The following CACNA2D2 variants were observed in gnomAD, a reference collection of about 807,000 sequenced individuals.
CACNA2D2 encodes voltage-dependent calcium channel subunit alpha-2/delta-2.
A neutral mutation model predicts 166.4 loss-of-function variants in CACNA2D2; 48 were observed. That is an observed-to-expected ratio of 0.29 (90% CI 0.23 to 0.37). CACNA2D2 has a LOEUF of 0.37. CACNA2D2 is among the 10% of genes least tolerant of loss of function. The pLI, the probability that CACNA2D2 is intolerant of heterozygous loss-of-function variation, is 1.00. For missense variants in CACNA2D2, 1,122 were observed against 1,433.0 expected (o/e 0.78, Z 3.50); for synonymous variants, 561 against 573.7 (o/e 0.98, Z 0.32).
intron 17 of CACNA2D2, among the ~76,000 whole-genome samples, chr3:50,377,245 G>C (rs587712532): frequency 1.3e-5 from 2 of 152,272 alleles, no homozygotes; most frequent in South Asian, 4.1e-4. Flanking sequence ...TGGGTATGTA[G>C]GTCTGCAAAG....
Position 50,476,161 on chromosome 3 carries a change from T to C in CACNA2D2, c.245A>G (p.Asp82Gly). 1 of 1,602,166 alleles carries C rather than the reference T, an allele frequency of 6.2e-7. No individual in the cohort carries two copies. The highest frequency in any genetic ancestry group is 8.5e-7 in the Non-Finnish European group (1 of 1,175,068). ...GCCTCCAAAAATCCGCATCACGCCG[T>C]CGACCTCCTGCTCCAGACGCCGGGC... ...HWARRLEQEV[D>G]GVMRIFGGVQ... Residue 82 changes from aspartate to glycine, a missense_variant, in exon 2 of 38, where the codon GAC (aspartate) becomes GGC (glycine). By Grantham distance (94) the Asp-to-Gly change is moderately conservative (BLOSUM62 -1). Around this residue, in one of 2 missense-constraint regions of CACNA2D2, gnomAD observed 840 missense variants for 1,166.8 expected, o/e 0.72. Coordinates refer to ENST00000424201, the MANE Select transcript of CACNA2D2 (RefSeq NM_006030.4).
chr3:50,503,196 G>A, intron 1 of CACNA2D2, 22 bp downstream of exon 1: 2 of 1,178,992 alleles, frequency 1.7e-6, no homozygotes, highest in Non-Finnish European at 2.1e-6. Context: ...CCGGGGTCTC[G>A]CGGCCGGCCG....
chr3:50,404,486 G>T (rs1575636215), intron 3 of CACNA2D2, among the ~76,000 whole-genome samples: 1 of 152,260 alleles, frequency 6.6e-6, no homozygotes, highest in Admixed American at 6.5e-5. Context: ...TCAGCCAGGA[G>T]CTGAGTCCCC....
At chr3:50,369,340 C>T (rs1278533369) in intron 23 of CACNA2D2, among the ~76,000 whole-genome samples, 1 of 152,234 alleles carries the variant, frequency 6.6e-6, no homozygotes, top group African/African-American at 2.4e-5. Flanking sequence ...CGAATAGGGT[C>T]CCTGCCTTCA....
Position 50,376,733 on chromosome 3 carries a change from C to T in CACNA2D2, c.1627-545G>A, listed in dbSNP as rs587741387. On this transcript the variant is annotated intron_variant, in intron 17 of 37. Coordinates refer to ENST00000424201, the MANE Select transcript of CACNA2D2 (RefSeq NM_006030.4). This position sits in a 1 kb window ranked among gnomAD's most constrained non-coding sequence, Gnocchi z 4.3. Reference sequence around the variant, plus strand: ...TACCTGGAGGCCAACTGCCACAGCCCCTGCCCACTCAGGGCCAAGCAGAGG... The same window carrying T: ...TACCTGGAGGCCAACTGCCACAGCCTCTGCCCACTCAGGGCCAAGCAGAGG... 1.2e-4 allele frequency among the ~76,000 whole-genome samples: 19 copies of T among 152,294 alleles called. No homozygotes were observed. The South Asian group carries it at 2.5e-3, about 20-fold the overall frequency.
chr3:50,382,886 G>A (rs930681973), intron 6 of CACNA2D2, among the ~76,000 whole-genome samples: 5 of 152,088 alleles, frequency 3.3e-5, no homozygotes, highest in African/African-American at 1.2e-4. Flanking sequence ...GACCCCACAC[G>A]CGCTTACCCA....
rs977036211 is a variant in CACNA2D2 at position 50,365,310 on chromosome 3, T to A, written c.3098+46A>T. On this transcript the variant is annotated intron_variant, in intron 35 of 37. Coordinates refer to ENST00000424201, the MANE Select transcript of CACNA2D2 (RefSeq NM_006030.4). This position sits in a 1 kb window ranked among gnomAD's most constrained non-coding sequence, Gnocchi z 4.5. The stretch of plus-strand genomic sequence containing the variant: ...CATCCTCCCGAGCGTCTCGCCCCGC[T>A]CACAGGTTCCGCCCTTGGCCTCTGG... 1 of 1,438,560 alleles carries A rather than the reference T, an allele frequency of 7.0e-7. No homozygotes were observed. The highest frequency in any genetic ancestry group is 1.6e-5 in the African/African-American group (1 of 63,532). The allele number at this position is 1,438,560 out of a possible 1,614,324, so 89.1% of individuals were successfully genotyped here.
chr3:50,468,300 T>C (rs181864583), intron 2 of CACNA2D2, among the ~76,000 whole-genome samples: 4 of 151,610 alleles, frequency 2.6e-5, no homozygotes, highest in African/African-American at 9.7e-5. Context: ...AGGGCTGAGT[T>C]TGAACTGATC....
intron 1 of CACNA2D2, among the ~76,000 whole-genome samples, chr3:50,490,059 T>A (rs976070079): frequency 6.6e-6 from 1 of 152,102 alleles, no homozygotes; most frequent in East Asian, 1.9e-4. Flanking sequence ...AGGAAGCAGG[T>A]CCTGAAAGAT....
In CACNA2D2 at chr3:50,418,055, G is replaced by C. The variant is rs577163409; in HGVS notation, c.405+16258C>G. On this transcript the variant is annotated intron_variant, in intron 3 of 37. Coordinates refer to ENST00000424201, the MANE Select transcript of CACNA2D2 (RefSeq NM_006030.4). ...CCGCGAAGGGGCCAGATGGGAGGTG[G>C]TGGCAGTGCTGTGAGAGGCAGGACT... Among the ~76,000 whole-genome samples, 16 of 152,280 alleles carry C rather than the reference G, an allele frequency of 1.1e-4. No individual in the cohort carries two copies. The South Asian group carries it at 2.5e-3, about 24-fold the overall frequency.
chr3:50,384,326 C>A lies in CACNA2D2; in HGVS notation c.522G>T (p.Glu174Asp). The change falls in exon 6 of 38, where the codon GAG (glutamate) becomes GAT (aspartate). Residue 174 changes from glutamate to aspartate, a missense_variant. By Grantham distance (45) the Glu-to-Asp change is conservative. Around this residue, in one of 2 missense-constraint regions of CACNA2D2, gnomAD observed 840 missense variants for 1,166.8 expected, o/e 0.72. Transcript: ENST00000424201. Reference protein sequence around the residue: ...AKADAELDDPESEDVERGSKA... With the variant: ...AKADAELDDPDSEDVERGSKA... Reference sequence around the variant, plus strand: ...TAGACCCCCTTTCCACATCCTCACTCTCAGGGTCGTCCTGCAGAAAGGGCA... The same window carrying A: ...TAGACCCCCTTTCCACATCCTCACTATCAGGGTCGTCCTGCAGAAAGGGCA... The A allele has an allele frequency of 6.2e-7, 1 of 1,613,556 alleles. No individual in the cohort carries two copies. Among genetic ancestry groups the A allele is most frequent in the Non-Finnish European group, 8.5e-7 (1 of 1,179,578 alleles).
chr3:50,434,471 A>T (rs1708218977), intron 2 of CACNA2D2, 42 bp from the exon 3 acceptor site: 1 of 1,442,616 alleles, frequency 6.9e-7, no homozygotes, highest in East Asian at 2.3e-5. Context: ...AGGTGGTCCC[A>T]CGTCCTCATG....
At position 50,366,411 on chromosome 3, in the gene CACNA2D2, G is replaced by C; in HGVS notation, c.2638-73C>G. The C allele has an allele frequency of 6.5e-7, 1 of 1,538,532 alleles. No individual in the cohort carries two copies. The highest frequency in any genetic ancestry group is 9.0e-7 in the Non-Finnish European group (1 of 1,111,832). ...GACCTTCCACCGCAGGCAGTCCAGT[G>C]GTTCAGAGTTGGGGGGCATCACTCC... On this transcript the variant is annotated intron_variant, in intron 30 of 37. Transcript: ENST00000424201. The surrounding 1 kb of genome is among the most constrained non-coding windows in gnomAD (Gnocchi z 5.9).
At chr3:50,435,675 C>T (rs1559945691) in intron 2 of CACNA2D2, among the ~76,000 whole-genome samples, 1 of 151,936 alleles carries the variant, frequency 6.6e-6, no homozygotes, top group Non-Finnish European at 1.5e-5. Flanking sequence ...TGCTGGAGCC[C>T]CTGCTCTGCT....
At chr3:50,474,002 C>CG (rs1710205872) in intron 2 of CACNA2D2, among the ~76,000 whole-genome samples, 1 of 152,238 alleles carries the variant, frequency 6.6e-6, no homozygotes, top group African/African-American at 2.4e-5. Flanking sequence ...CTGCCTGCCA[C>CG]GCTGAGCACG....
intron 3 of CACNA2D2, among the ~76,000 whole-genome samples, chr3:50,423,822 C>A (rs1707683289): frequency 1.3e-5 from 2 of 152,252 alleles, no homozygotes; most frequent in African/African-American, 4.8e-5. Flanking sequence ...CAGCTGGATA[C>A]TTTGGCCCTC....
chr3:50,378,891 G>A, intron 13 of CACNA2D2, 24 bp downstream of exon 13: 1 of 1,613,238 alleles, frequency 6.2e-7, no homozygotes, highest in Non-Finnish European at 8.5e-7. Context: ...GCAGGCCCCT[G>A]ACAGTGATGC....
intron 6 of CACNA2D2, 115 bp from the exon 7 acceptor site, chr3:50,381,241 T>TGGATAGGCCGAG: frequency 1.6e-6 from 2 of 1,243,762 alleles, no homozygotes; most frequent in Non-Finnish European, 2.3e-6. Flanking sequence ...GTTCTCGGCC[T>TGGATAGGCCGAG]ATCCAGGCCC....
In CACNA2D2 at chr3:50,363,216, G is replaced by A. The variant is rs746503731; in HGVS notation, c.*1450C>T. 2.5e-6 allele frequency: 1 copy of A among 398,908 alleles called. No individual in the cohort carries two copies. The highest frequency in any genetic ancestry group is 4.4e-6 in the Non-Finnish European group (1 of 226,080). The allele number at this position is 398,908 out of a possible 1,614,324, so 24.7% of individuals were successfully genotyped here. A position where few individuals can be genotyped will look rare whatever the true frequency, so the allele number is the denominator to read the frequency against. ...AGGACACAGCTGGCATCCAGGCCGG[G>A]TGCACATGGACACCCACCCTGGCAC... is the stretch of plus-strand genomic sequence containing the variant. On this transcript the variant is annotated 3_prime_UTR_variant, in exon 38 of 38. Coordinates refer to ENST00000424201, the MANE Select transcript of CACNA2D2 (RefSeq NM_006030.4).
Sources: gnomAD v4.1 joint callset for allele counts (sites outside exome capture counted in the v4.1 genomes callset) on GRCh38, gnomAD v4.1.1 for gene constraint, gnomAD v4.1.1 regional missense constraint, Gnocchi (gnomAD v3.1) non-coding constraint, MANE v1.5 for transcripts, NCBI Gene and HGNC (gene_info 2026-07-23, HGNC 2026-07-21) for gene names.